ANKIB1: variants seen among roughly 807,000 people sequenced by gnomAD.
ANKIB1 encodes the protein ankyrin repeat and IBR domain containing 1.
Under a neutral mutation model 122.1 loss-of-function variants are expected in ANKIB1, and 43 were observed. The ratio of observed to expected loss-of-function variants is 0.35; its 90% CI spans 0.28 to 0.45. The LOEUF is 0.45. ANKIB1 is among the 20% of genes least tolerant of loss of function. ANKIB1 has a pLI of 1.00. For synonymous variants in ANKIB1, 390 were observed against 442.0 expected, an observed-to-expected ratio of 0.88 and a Z score of 1.48; for missense variants, 992 against 1,329.5, an observed-to-expected ratio of 0.75 and a Z score of 3.95.
intron 5 of ANKIB1, among the ~76,000 whole-genome samples, chr7:92,337,961 C>T (rs1803325213): frequency 6.6e-6 from 1 of 151,894 alleles, no homozygotes; most frequent in African/African-American, 2.4e-5. Context: ...AAAATCTAGG[C>T]CTTTACATTC....
At chr7:92,301,768 C>G (rs1437566612) in intron 2 of ANKIB1, among the ~76,000 whole-genome samples, 7 of 152,076 alleles carry the variant, frequency 4.6e-5, no homozygotes, top group Non-Finnish European at 1.5e-5. Flanking sequence ...AGTAAAATAA[C>G]TTTTATTTAA....
Position 92,374,370 on chromosome 7 carries a change from A to G in ANKIB1, c.1617+2763A>G, listed in dbSNP as rs369807394. Among the ~76,000 whole-genome samples, 48 of 152,126 alleles carry G rather than the reference A, an allele frequency of 3.2e-4. 1 individual carries two copies. The highest frequency in any genetic ancestry group is 9.9e-4 in the African/African-American group (41 of 41,510). ...ACGGGCACCTGTAATCCCAGCTACT[A>G]GGGAGGCTAAGGTAGGAGTGTCACT... is the stretch of plus-strand genomic sequence containing the variant. On this transcript the variant is annotated intron_variant, in intron 11 of 19. Transcript: ENST00000265742.
At chr7:92,266,219 A>C (rs1284861893) in intron 1 of ANKIB1, among the ~76,000 whole-genome samples, 3 of 152,226 alleles carry the variant, frequency 2.0e-5, no homozygotes, top group Admixed American at 6.5e-5. Flanking sequence ...AAGAGTTCAG[A>C]TAGGATGAGA....
chr7:92,370,014 G>A (rs1322599190), intron 10 of ANKIB1, among the ~76,000 whole-genome samples: 1 of 152,156 alleles, frequency 6.6e-6, no homozygotes, highest in African/African-American at 2.4e-5. Context: ...AAAATGAAGA[G>A]TATAAGTTTG....
intron 1 of ANKIB1, among the ~76,000 whole-genome samples, chr7:92,252,403 T>G (rs998457258): frequency 6.6e-6 from 1 of 151,172 alleles, no homozygotes. Context: ...TTTTTTTTTT[T>G]TGAGACAGAG....
chr7:92,314,308 AAAG>A (rs1286920558), intron 3 of ANKIB1, among the ~76,000 whole-genome samples: 1 of 152,190 alleles, frequency 6.6e-6, no homozygotes, highest in Admixed American at 6.5e-5. Flanking sequence ...CAAAAAAAAA[AAAG>A]AAAAAGAATT....
In ANKIB1 at chr7:92,388,095, G is replaced by C. The variant is rs1025000903; in HGVS notation, c.1906+54G>C. The C allele has an allele frequency of 2.7e-6, 4 of 1,456,546 alleles. No homozygotes were observed. The Admixed American group carries it at 7.9e-5, about 29-fold the overall frequency. The allele number at this position is 1,456,546 out of a possible 1,614,324, so 90.2% of individuals were successfully genotyped here. A position where few individuals can be genotyped will look rare whatever the true frequency, so the allele number is the denominator to read the frequency against. On this transcript the variant is annotated intron_variant, in intron 14 of 19. Coordinates refer to ENST00000265742, the MANE Select transcript of ANKIB1 (RefSeq NM_019004.2). ...TAATATAAAATATCTTTCCATGCTT[G>C]TCATTTCACTAGTAGGTTAGGCCCT...
intron 7 of ANKIB1, among the ~76,000 whole-genome samples, chr7:92,345,786 G>A (rs1003436226): frequency 3.9e-5 from 6 of 151,960 alleles, no homozygotes; most frequent in Non-Finnish European, 8.8e-5. Context: ...TTAGAAATCA[G>A]AAGTTTTTAA....
At position 92,386,553 on chromosome 7, in the gene ANKIB1, A is replaced by C; in HGVS notation, c.1662A>C (p.Lys554Asn). ...GGATTTGCCTTGAAGAGTGGAAAAA[A>C]CATAGTTCGTCCACTGGAGGTTATT... Reference protein sequence around the residue: ...FCWICLEEWKKHSSSTGGYYR... With the variant: ...FCWICLEEWKNHSSSTGGYYR... The change falls in exon 12 of 20, where the codon AAA becomes AAC. Residue 554 changes from lysine (K) to asparagine (N), a missense_variant. Transcript: ENST00000265742. 1 of 1,606,098 alleles carries C rather than the reference A, an allele frequency of 6.2e-7. No individual in the cohort carries two copies.
At chr7:92,268,736 C>T (rs1008544233) in intron 1 of ANKIB1, among the ~76,000 whole-genome samples, 1 of 152,218 alleles carries the variant, frequency 6.6e-6, no homozygotes, top group Non-Finnish European at 1.5e-5. Context: ...TGGACCTCTC[C>T]AAGTGCTGGG....
At chr7:92,325,933 A>C (rs1283728691) in intron 4 of ANKIB1, 2 of 449,618 alleles carry the variant, frequency 4.4e-6, no homozygotes, top group Non-Finnish European at 8.9e-6. Context: ...GTCAGTACTG[A>C]CTGCTTTGAA....
intron 4 of ANKIB1, among the ~76,000 whole-genome samples, chr7:92,324,499 G>T (rs1802982372): frequency 6.6e-6 from 1 of 152,220 alleles, no homozygotes; most frequent in Non-Finnish European, 1.5e-5. Context: ...CTCCCAAAGT[G>T]CTGGGATTAC....
intron 11 of ANKIB1, among the ~76,000 whole-genome samples, chr7:92,384,141 A>T (rs572986627): frequency 2.6e-4 from 40 of 152,264 alleles, no homozygotes; most frequent in African/African-American, 8.9e-4. Flanking sequence ...CACAATTGCT[A>T]CAAAGAGAAT....
At chr7:92,360,882 C>T (rs1442198846) in intron 9 of ANKIB1, among the ~76,000 whole-genome samples, 2 of 151,398 alleles carry the variant, frequency 1.3e-5, no homozygotes, top group African/African-American at 2.4e-5. Context: ...TTTTTTTCCT[C>T]GAAATGGGGT....
At chr7:92,249,870 CCA>C (rs1491329983) in intron 1 of ANKIB1, among the ~76,000 whole-genome samples, 1 of 152,122 alleles carries the variant, frequency 6.6e-6, no homozygotes, top group East Asian at 1.9e-4. Flanking sequence ...ATCTCCCCCC[CCA>C]CACGCGAATA....
intron 7 of ANKIB1, among the ~76,000 whole-genome samples, chr7:92,347,463 G>C (rs553208045): frequency 6.6e-6 from 1 of 152,206 alleles, no homozygotes; most frequent in East Asian, 1.9e-4. Flanking sequence ...GGAATAGCCA[G>C]GCATAGTGGC....
chr7:92,265,569 G>C (rs1465979546), intron 1 of ANKIB1, among the ~76,000 whole-genome samples: 2 of 152,202 alleles, frequency 1.3e-5, no homozygotes, highest in Non-Finnish European at 2.9e-5. Flanking sequence ...TCTGGCTGCT[G>C]TGTGGAAAAT....
At position 92,338,605 on chromosome 7, in the gene ANKIB1, C is replaced by G. The variant is rs572945384; in HGVS notation, c.788-4419C>G. ...TTGGCATTTCAGGTTTTTATAATAG[C>G]TTTTTAAAAATATCTATGTGACTTG... is the stretch of plus-strand genomic sequence containing the variant. On this transcript the variant is annotated intron_variant, in intron 5 of 19. Coordinates refer to ENST00000265742, the MANE Select transcript of ANKIB1 (RefSeq NM_019004.2). Among the ~76,000 whole-genome samples the G allele has an allele frequency of 9.2e-5, 14 of 151,712 alleles. No homozygotes were observed. The South Asian group carries it at 2.9e-3, about 32-fold the overall frequency.
At position 92,249,391 on chromosome 7, in the gene ANKIB1, C is replaced by T. The variant is rs143179343; in HGVS notation, c.-91+2872C>T. Among the ~76,000 whole-genome samples the T allele has an allele frequency of 1.1e-4, 17 of 152,292 alleles. No homozygotes were observed. The East Asian group carries it at 3.3e-3, about 29-fold the overall frequency. Reference sequence around the variant, plus strand: ...GCTTCTCTTACAGGTTTTTAAGCCACTTGACCCTGTTGCAAGGTTGTTTCA... The same window carrying T: ...GCTTCTCTTACAGGTTTTTAAGCCATTTGACCCTGTTGCAAGGTTGTTTCA... On this transcript the variant is annotated intron_variant, in intron 1 of 19. Transcript: ENST00000265742.
Sources: allele counts gnomAD v4.1 joint callset (sites outside exome capture counted in the v4.1 genomes callset), GRCh38; gene constraint gnomAD v4.1.1; transcripts MANE v1.5; gene names NCBI Gene and HGNC (gene_info 2026-07-23, HGNC 2026-07-21).